Variants in GRIN3A observed in about 807,000 individuals in gnomAD.
GRIN3A encodes the protein glutamate ionotropic receptor NMDA type subunit 3A.
GRIN3A carries 47 observed loss-of-function variants against 92.4 expected under a neutral mutation model. That is an observed-to-expected ratio of 0.51 (90% confidence interval 0.40 to 0.65). The LOEUF is 0.65. GRIN3A is among the 30% of genes least tolerant of loss of function. GRIN3A has a pLI of 0.00. For missense variants in GRIN3A, 1,324 were observed against 1,393.1 expected, an observed-to-expected ratio of 0.95 and a Z score of 0.79; for synonymous variants, 527 against 540.6, an observed-to-expected ratio of 0.97 and a Z score of 0.35.
At position 101,692,714 on chromosome 9, in the gene GRIN3A, C is replaced by T. The variant is rs10156603; in HGVS notation, c.700-5514G>A. Among the ~76,000 whole-genome samples the T allele has an allele frequency of 8.9e-3, 1,356 of 152,278 alleles. 22 individuals carry two copies. Among genetic ancestry groups the T allele is most frequent in the African/African-American group, 0.031 (1,290 of 41,578 alleles). ...CAGAACAGGCTTTCTACACAGCTAT[C>T]GCTTCTCCTCAGCCAAAGAGGCTGC... is the stretch of plus-strand genomic sequence containing the variant. On this transcript the variant is annotated intron_variant, in intron 1 of 8. Coordinates refer to ENST00000361820, the MANE Select transcript of GRIN3A (RefSeq NM_133445.3).
intron 3 of GRIN3A, among the ~76,000 whole-genome samples, chr9:101,652,600 A>G (rs1459459823): frequency 3.3e-5 from 5 of 152,070 alleles, no homozygotes; most frequent in African/African-American, 1.2e-4. Flanking sequence ...TTGACAAAAA[A>G]TCCCAGGCAG....
rs1266761184 is a variant in GRIN3A at position 101,571,759 on chromosome 9, TCA to T, written c.*1413_*1414del. ...AAAAGTAATTTTTAGACCACCTGTG[TCA>T]GTCACTTGGGGGTGTTGGTTAACAG... On this transcript the variant is annotated 3_prime_UTR_variant, in exon 9 of 9. Transcript: ENST00000361820. 6.6e-6 allele frequency: 1 copy of T among 152,202 alleles called. No homozygotes were observed. The highest frequency in any genetic ancestry group is 1.5e-5 in the Non-Finnish European group (1 of 68,050). 9.4% of individuals were successfully genotyped at this position (152,202 alleles called of 1,614,324 possible). A position where few individuals can be genotyped will look rare whatever the true frequency, so the allele number is the denominator to read the frequency against.
At chr9:101,694,231 C>T (rs1020902799) in intron 1 of GRIN3A, among the ~76,000 whole-genome samples, 1 of 152,200 alleles carries the variant, frequency 6.6e-6, no homozygotes, top group African/African-American at 2.4e-5. Flanking sequence ...ACACCACTGT[C>T]TTCAAAGACA....
intron 2 of GRIN3A, 115 bp downstream of exon 2, chr9:101,686,481 T>TTA: frequency 3.5e-6 from 4 of 1,135,374 alleles, no homozygotes; most frequent in Non-Finnish European, 5.3e-6. Context: ...TAAGAAATAT[T>TTA]ATTAAAGTTT....
chr9:101,718,181 G>A (rs1829970619), intron 1 of GRIN3A, among the ~76,000 whole-genome samples: 1 of 152,214 alleles, frequency 6.6e-6, no homozygotes, highest in African/African-American at 2.4e-5. Flanking sequence ...GACATTGTGT[G>A]AGGAGCACAG....
Position 101,573,073 on chromosome 9 carries a change from G to T in GRIN3A, c.*101C>A. On this transcript the variant is annotated 3_prime_UTR_variant, in exon 9 of 9. Coordinates refer to ENST00000361820, the MANE Select transcript of GRIN3A (RefSeq NM_133445.3). The stretch of plus-strand genomic sequence containing the variant: ...GACCTTTAAGAAGACCTAGACCTCA[G>T]CTTCCCCACACCTTTGTCGATAGTT... The T allele has an allele frequency of 9.5e-7, 1 of 1,056,948 alleles. No individual in the cohort carries two copies. The highest frequency in any genetic ancestry group is 1.5e-6 in the Non-Finnish European group (1 of 678,742). The allele number at this position is 1,056,948 out of a possible 1,614,324, so 65.5% of individuals were successfully genotyped here.
At chr9:101,691,070 T>C (rs1829610705) in intron 1 of GRIN3A, among the ~76,000 whole-genome samples, 1 of 151,846 alleles carries the variant, frequency 6.6e-6, no homozygotes. Flanking sequence ...ACACCTATCA[T>C]AAAAAATAAA....
At chr9:101,622,026 G>T (rs1445018047) in intron 5 of GRIN3A, among the ~76,000 whole-genome samples, 1 of 152,100 alleles carries the variant, frequency 6.6e-6, no homozygotes, top group Non-Finnish European at 1.5e-5. Context: ...AGTCTTAATA[G>T]AAGACCACTA....
intron 1 of GRIN3A, among the ~76,000 whole-genome samples, chr9:101,734,945 G>T (rs569714734): frequency 1.3e-5 from 2 of 151,784 alleles, no homozygotes; most frequent in African/African-American, 4.8e-5. Context: ...TGTAAAATGA[G>T]TTTGACATCC....
intron 3 of GRIN3A, among the ~76,000 whole-genome samples, chr9:101,652,075 T>G (rs1829022010): frequency 6.6e-6 from 1 of 152,080 alleles, no homozygotes; most frequent in Non-Finnish European, 1.5e-5. Flanking sequence ...GGTCAGCTAC[T>G]GTGCTAAAAG....
At chr9:101,582,384 G>C (rs556224893) in intron 6 of GRIN3A, among the ~76,000 whole-genome samples, 1 of 152,302 alleles carries the variant, frequency 6.6e-6, no homozygotes, top group South Asian at 2.1e-4. Flanking sequence ...CAGGGGCTCG[G>C]AGACTGGCAC....
intron 1 of GRIN3A, among the ~76,000 whole-genome samples, chr9:101,717,389 A>T (rs1588295984): frequency 1.3e-5 from 2 of 152,238 alleles, no homozygotes; most frequent in South Asian, 4.1e-4. Flanking sequence ...CTCCAACCTC[A>T]GGAGTTCTGA....
At chr9:101,696,456 A>G (rs192395666) in intron 1 of GRIN3A, among the ~76,000 whole-genome samples, 45 of 152,306 alleles carry the variant, frequency 3.0e-4, no homozygotes, top group African/African-American at 9.9e-4. Context: ...GAGTAAGATT[A>G]TTTGCTGAAT....
At position 101,597,969 on chromosome 9, in the gene GRIN3A, T is replaced by C. The variant is rs528288306; in HGVS notation, c.2766+15407A>G. ...TCTTATGTTATAGGCTCATGAGCCA[T>C]GAGAATAATTCAACAGCAAAAACAT... is the stretch of plus-strand genomic sequence containing the variant. On this transcript the variant is annotated intron_variant, in intron 6 of 8. Coordinates refer to ENST00000361820, the MANE Select transcript of GRIN3A (RefSeq NM_133445.3). Among the ~76,000 whole-genome samples the C allele has an allele frequency of 7.4e-4, 112 of 152,290 alleles. 3 individuals carry two copies. The highest frequency in any genetic ancestry group is 6.9e-3 in the Admixed American group (105 of 15,292).
intron 1 of GRIN3A, among the ~76,000 whole-genome samples, chr9:101,704,859 T>A (rs905385712): frequency 3.9e-5 from 6 of 152,196 alleles, no homozygotes; most frequent in Admixed American, 3.9e-4. Flanking sequence ...TTATGGTATG[T>A]GTATTTTATA....
At chr9:101,654,961 A>C (rs1829066035) in intron 3 of GRIN3A, among the ~76,000 whole-genome samples, 1 of 151,894 alleles carries the variant, frequency 6.6e-6, no homozygotes, top group Non-Finnish European at 1.5e-5. Flanking sequence ...GGTGACATAT[A>C]TATTTATGGA....
chr9:101,708,606 A>T (rs1564149499), intron 1 of GRIN3A, among the ~76,000 whole-genome samples: 1 of 152,214 alleles, frequency 6.6e-6, no homozygotes, highest in Admixed American at 6.5e-5. Context: ...TATTATAGAA[A>T]TAATAGAAGT....
At chr9:101,729,642 C>T (rs1181434700) in intron 1 of GRIN3A, among the ~76,000 whole-genome samples, 2 of 152,110 alleles carry the variant, frequency 1.3e-5, no homozygotes, top group African/African-American at 4.8e-5. Context: ...TCTTCAAAGT[C>T]CTTTTGGCCA....
chr9:101,686,153 G>A (rs1360368888), intron 2 of GRIN3A, among the ~76,000 whole-genome samples: 1 of 152,146 alleles, frequency 6.6e-6, no homozygotes, highest in Non-Finnish European at 1.5e-5. Context: ...TATTGATATG[G>A]AAAAGAGTGG....
Sources: gnomAD v4.1 joint callset for allele counts (sites outside exome capture counted in the v4.1 genomes callset) on GRCh38, gnomAD v4.1.1 for gene constraint, MANE v1.5 for transcripts, NCBI Gene and HGNC (gene_info 2026-07-23, HGNC 2026-07-21) for gene names.